MAGI2: variants seen among roughly 807,000 people sequenced by gnomAD.
MAGI2 encodes the protein membrane associated guanylate kinase, WW and PDZ domain containing 2.
MAGI2 carries 35 observed loss-of-function variants against 133.3 expected under a neutral mutation model. The observed-to-expected ratio is 0.26, with a 90% CI of 0.20 to 0.35. The LOEUF is 0.35. MAGI2 is among the 10% of genes least tolerant of loss of function. MAGI2 has a pLI of 1.00. For synonymous variants in MAGI2, 729 were observed against 710.6 expected (o/e 1.03, Z -0.41); for missense variants, 1,636 against 1,863.4 (o/e 0.88, Z 2.25).
chr7:78,450,531 G>A (rs1788612822), intron 6 of MAGI2, among the ~76,000 whole-genome samples: 1 of 152,104 alleles, frequency 6.6e-6, no homozygotes, highest in African/African-American at 2.4e-5. Context: ...TGTGATGAAA[G>A]TGTTTTTTAG....
intron 1 of MAGI2, among the ~76,000 whole-genome samples, chr7:79,226,158 A>C (rs898225363): frequency 1.3e-5 from 2 of 152,182 alleles, no homozygotes; most frequent in Non-Finnish European, 2.9e-5. Flanking sequence ...TAAATCTTAC[A>C]TTTATATTTA....
At chr7:79,190,454 T>A (rs1249129731) in intron 1 of MAGI2, among the ~76,000 whole-genome samples, 1 of 151,872 alleles carries the variant, frequency 6.6e-6, no homozygotes, top group Non-Finnish European at 1.5e-5. Flanking sequence ...ATCTTACCCA[T>A]TTTTAAACTG....
chr7:78,597,859 TG>T (rs1328578802), intron 3 of MAGI2, among the ~76,000 whole-genome samples: 2 of 67,624 alleles, frequency 3.0e-5, no homozygotes, highest in Admixed American at 1.1e-4. Flanking sequence ...TCTGGCAAAC[TG>T]TTTTTTTTTT....
chr7:79,293,879 T>G (rs1836695583), intron 1 of MAGI2, among the ~76,000 whole-genome samples: 2 of 152,164 alleles, frequency 1.3e-5, no homozygotes, highest in African/African-American at 4.8e-5. Flanking sequence ...AAACAGTACT[T>G]CATATACAAA....
chr7:78,889,219 T>G (rs1170948594), intron 2 of MAGI2, among the ~76,000 whole-genome samples: 1 of 152,108 alleles, frequency 6.6e-6, no homozygotes, highest in Non-Finnish European at 1.5e-5. Context: ...CCAAGAAATA[T>G]GGGACTATGT....
chr7:78,470,686 C>T (rs138522534), intron 6 of MAGI2, among the ~76,000 whole-genome samples: 1 of 152,160 alleles, frequency 6.6e-6, no homozygotes, highest in African/African-American at 2.4e-5. Flanking sequence ...GGGCCAGTCA[C>T]TAAAATTATT....
intron 7 of MAGI2, among the ~76,000 whole-genome samples, chr7:78,366,263 T>C (rs1460729379): frequency 6.6e-6 from 1 of 152,170 alleles, no homozygotes; most frequent in African/African-American, 2.4e-5. Flanking sequence ...TTCCTTAAGA[T>C]ATTAATGCTA....
chr7:78,262,570 T>C (rs1793615581), intron 9 of MAGI2, among the ~76,000 whole-genome samples: 1 of 152,144 alleles, frequency 6.6e-6, no homozygotes, highest in Non-Finnish European at 1.5e-5. Flanking sequence ...AGCACTGACT[T>C]AGAAGTCAGG....
At chr7:78,977,406 A>G (rs1804356997) in intron 2 of MAGI2, among the ~76,000 whole-genome samples, 1 of 151,512 alleles carries the variant, frequency 6.6e-6, no homozygotes, top group African/African-American at 2.4e-5. Context: ...AGAGAGAAAG[A>G]GAGCGACAGA....
chr7:78,106,070 T>C (rs1818658258), intron 20 of MAGI2, among the ~76,000 whole-genome samples: 1 of 152,092 alleles, frequency 6.6e-6, no homozygotes, highest in African/African-American at 2.4e-5. Context: ...ATGAGTTCAA[T>C]TGTTTTAATT....
chr7:78,448,675 C>T (rs1788403932), intron 6 of MAGI2, among the ~76,000 whole-genome samples: 1 of 151,960 alleles, frequency 6.6e-6, no homozygotes, highest in East Asian at 1.9e-4. Flanking sequence ...AAAATGAGAC[C>T]TTCTCATGTT....
At position 79,453,105 on chromosome 7, in the gene MAGI2, G is replaced by A; in HGVS notation, c.216C>T (p.Thr72=). The A allele has an allele frequency of 6.2e-7, 1 of 1,613,866 alleles. No homozygotes were observed. Residue 72 remains threonine, a synonymous_variant, in exon 1 of 22, where the codon ACC becomes ACT. Coordinates refer to ENST00000354212, the MANE Select transcript of MAGI2 (RefSeq NM_012301.4). The part of the protein sequence containing the change: ...SEELLLEVNE[T]PVAGLTIRDV... ...CCCTGATGGTGAGCCCCGCCACGGG[G>A]GTCTCGTTCACCTCCAGCAGCAGCT...
chr7:79,169,454 T>C (rs1251469092), intron 1 of MAGI2, among the ~76,000 whole-genome samples: 2 of 152,224 alleles, frequency 1.3e-5, no homozygotes, highest in East Asian at 3.9e-4. Flanking sequence ...TTTACTACCA[T>C]GAAGACTTTA....
chr7:79,326,028 G>C (rs994024565), intron 1 of MAGI2, among the ~76,000 whole-genome samples: 1 of 151,986 alleles, frequency 6.6e-6, no homozygotes, highest in Non-Finnish European at 1.5e-5. Context: ...AATAAGCACC[G>C]AATAAGAAAT....
chr7:79,337,503 G>A (rs1302554970), intron 1 of MAGI2, among the ~76,000 whole-genome samples: 3 of 152,158 alleles, frequency 2.0e-5, no homozygotes, highest in African/African-American at 7.2e-5. Flanking sequence ...CAGCAGTGCA[G>A]AAAGAGATGC....
Position 78,019,941 on chromosome 7 carries a change from C to G in MAGI2, c.3742G>C (p.Ala1248Pro). The G allele has an allele frequency of 6.2e-7, 1 of 1,608,388 alleles. No individual in the cohort carries two copies. Among genetic ancestry groups the G allele is most frequent in the Non-Finnish European group, 8.5e-7 (1 of 1,177,940 alleles). The change falls in exon 22 of 22, where the codon GCC (alanine) becomes CCC (proline). Residue 1248 changes from alanine to proline, a missense_variant. Around this residue, in one of 5 missense-constraint regions of MAGI2, gnomAD observed 354 missense variants for 298.7 expected, o/e 1.19. Coordinates refer to ENST00000354212, the MANE Select transcript of MAGI2 (RefSeq NM_012301.4). ...ACGCCTACTTCCGGCAGACCTGGGGCGGCGGCAGCGGGAGAACTCCAGGGG... is the reference window on the plus strand; with the variant it reads ...ACGCCTACTTCCGGCAGACCTGGGGGGGCGGCAGCGGGAGAACTCCAGGGG... ...PAPWSSPAAA[A>P]PGLPEVGVSL...
rs1808142228 is a variant in MAGI2, at chr7:78,624,714, A to G, written c.538+2406T>C. On this transcript the variant is annotated intron_variant, in intron 3 of 21. Coordinates refer to ENST00000354212, the MANE Select transcript of MAGI2 (RefSeq NM_012301.4). Reference sequence around the variant, plus strand: ...GGATGCTAGGCTTAATATGTAGGTGATGGGGATGATCTGTGCAGCAAACCA... The same window carrying G: ...GGATGCTAGGCTTAATATGTAGGTGGTGGGGATGATCTGTGCAGCAAACCA... Among the ~76,000 whole-genome samples the G allele has an allele frequency of 7.5e-5, 6 of 79,614 alleles. No homozygotes were observed. In the Admixed American group the frequency reaches 8.1e-4, roughly 11 times the overall value. The allele number at this position is 79,614 out of a possible 152,430, so 52.2% of individuals were successfully genotyped here.
intron 3 of MAGI2, among the ~76,000 whole-genome samples, chr7:78,607,209 G>A (rs1361260960): frequency 6.6e-6 from 1 of 152,080 alleles, no homozygotes; most frequent in Non-Finnish European, 1.5e-5. Context: ...CTTCTGCAGA[G>A]GTGAGAGAAA....
chr7:78,772,038 G>C (rs968658545), intron 2 of MAGI2, among the ~76,000 whole-genome samples: 1 of 152,136 alleles, frequency 6.6e-6, no homozygotes, highest in African/African-American at 2.4e-5. Context: ...GCACCCCAGA[G>C]ACAGAAACAA....
Sources: allele counts gnomAD v4.1 joint callset (sites outside exome capture counted in the v4.1 genomes callset), GRCh38; gene constraint gnomAD v4.1.1; regional missense constraint gnomAD v4.1.1; transcripts MANE v1.5; gene names NCBI Gene and HGNC (gene_info 2026-07-23, HGNC 2026-07-21).